DGKB: variants seen among roughly 807,000 people sequenced by gnomAD.
The protein encoded by DGKB is diacylglycerol kinase beta, also known as 90 kDa diacylglycerol kinase.
DGKB carries 67 observed loss-of-function variants against 114.3 expected under a neutral mutation model. That is an observed-to-expected ratio of 0.59 (90% confidence interval 0.48 to 0.72). The LOEUF is 0.72. Among genes scored for constraint, DGKB ranks in the 30% least tolerant of loss-of-function variants. The pLI is 0.00. For missense variants in DGKB, 907 were observed against 975.2 expected, an observed-to-expected ratio of 0.93 and a Z score of 0.93; for synonymous variants, 398 against 323.1, an observed-to-expected ratio of 1.23 and a Z score of -2.49.
intron 21 of DGKB, among the ~76,000 whole-genome samples, chr7:14,369,085 G>T (rs550655677): frequency 6.8e-6 from 1 of 146,514 alleles, no homozygotes; most frequent in Admixed American, 6.8e-5. Flanking sequence ...CCCCACCCCC[G>T]ACAGACCCCA....
intron 21 of DGKB, among the ~76,000 whole-genome samples, chr7:14,474,447 A>C (rs2128896185): frequency 6.6e-6 from 1 of 152,298 alleles, no homozygotes; most frequent in South Asian, 2.1e-4. Flanking sequence ...CAGCGTGAAA[A>C]CAGAGTAATA....
chr7:14,549,180 C>T (rs1340737321), intron 20 of DGKB, among the ~76,000 whole-genome samples: 1 of 152,028 alleles, frequency 6.6e-6, no homozygotes, highest in Admixed American at 6.6e-5. Context: ...GTAAGAAAAA[C>T]ATTTCAAAAA....
chr7:14,560,345 T>C (rs1175510608), intron 20 of DGKB, among the ~76,000 whole-genome samples: 3 of 152,148 alleles, frequency 2.0e-5, no homozygotes, highest in Admixed American at 6.5e-5. Flanking sequence ...TTTATGTCCG[T>C]TGATTAATAA....
At chr7:14,810,000 A>T (rs1843222443) in intron 2 of DGKB, among the ~76,000 whole-genome samples, 1 of 152,196 alleles carries the variant, frequency 6.6e-6, no homozygotes, top group East Asian at 1.9e-4. Context: ...TGCACAAGCA[A>T]ATCACTGTTA....
chr7:14,373,573 C>A (rs1358051626), intron 21 of DGKB, among the ~76,000 whole-genome samples: 1 of 152,114 alleles, frequency 6.6e-6, no homozygotes, highest in Non-Finnish European at 1.5e-5. Context: ...ACTTCCCTGC[C>A]TTAGCTATTG....
chr7:14,739,800 T>A (rs1418471038), intron 4 of DGKB, among the ~76,000 whole-genome samples: 1 of 152,220 alleles, frequency 6.6e-6, no homozygotes, highest in Non-Finnish European at 1.5e-5. Context: ...GTCTTTGCTA[T>A]GGCATTTTTC....
intron 21 of DGKB, among the ~76,000 whole-genome samples, chr7:14,472,302 A>G (rs1055190405): frequency 1.3e-5 from 2 of 152,174 alleles, no homozygotes; most frequent in Non-Finnish European, 2.9e-5. Flanking sequence ...ATAATGAATA[A>G]GCCTCACAAG....
chr7:14,888,009 C>T (rs1780583037), intron 1 of DGKB, among the ~76,000 whole-genome samples: 1 of 151,648 alleles, frequency 6.6e-6, no homozygotes, highest in Non-Finnish European at 1.5e-5. Flanking sequence ...TTATTAAATG[C>T]TTTTTGGCTG....
At chr7:14,753,127 A>G (rs1322667819) in intron 4 of DGKB, among the ~76,000 whole-genome samples, 1 of 152,204 alleles carries the variant, frequency 6.6e-6, no homozygotes, top group Admixed American at 6.5e-5. Context: ...CGTGTTGGAC[A>G]TGAAATTACA....
intron 19 of DGKB, among the ~76,000 whole-genome samples, chr7:14,578,937 T>G (rs1799549520): frequency 6.6e-6 from 1 of 152,188 alleles, no homozygotes; most frequent in Non-Finnish European, 1.5e-5. Flanking sequence ...TCACTATCCC[T>G]AATTGCCCAC....
At chr7:14,419,465 G>T (rs998773076) in intron 21 of DGKB, among the ~76,000 whole-genome samples, 3 of 151,828 alleles carry the variant, frequency 2.0e-5, no homozygotes, top group African/African-American at 7.3e-5. Flanking sequence ...TGGGCTTTTA[G>T]TTACAATTAA....
At chr7:14,372,202 C>T (rs34543196) in intron 21 of DGKB, among the ~76,000 whole-genome samples, 14 of 152,128 alleles carry the variant, frequency 9.2e-5, no homozygotes, top group Admixed American at 3.3e-4. Context: ...CTCACCTACC[C>T]GGGCTTCAAT....
At chr7:14,313,694 G>A (rs1183502514) in intron 23 of DGKB, among the ~76,000 whole-genome samples, 8 of 152,018 alleles carry the variant, frequency 5.3e-5, no homozygotes, top group East Asian at 3.9e-4. Context: ...AGGCGGCAGC[G>A]AGGCTGGGGG....
At position 14,186,085 on chromosome 7, in the gene DGKB, C is replaced by T. The variant is rs571156920; in HGVS notation, c.2123-7934G>A. 5.9e-5 allele frequency among the ~76,000 whole-genome samples: 9 copies of T among 152,220 alleles called. No homozygotes were observed. The East Asian group carries it at 7.7e-4, about 13-fold the overall frequency. On this transcript the variant is annotated intron_variant, in intron 23 of 25. Coordinates refer to ENST00000402815, the MANE Select transcript of DGKB (RefSeq NM_001350709.2). ...CAGTCAGCAGAGTAAACAGACAACCCACAAAGTGGGAGATAATCTTCACAA... is the reference window on the plus strand; with the variant it reads ...CAGTCAGCAGAGTAAACAGACAACCTACAAAGTGGGAGATAATCTTCACAA...
At chr7:14,682,978 A>C (rs1821090408) in intron 10 of DGKB, 137 bp from the exon 11 acceptor site, 1 of 648,090 alleles carries the variant, frequency 1.5e-6, no homozygotes, top group South Asian at 1.9e-5. Flanking sequence ...ATCAAGGAGA[A>C]GTCCAAGTCG....
At chr7:14,821,659 G>A (rs1429097125) in intron 2 of DGKB, among the ~76,000 whole-genome samples, 9 of 152,180 alleles carry the variant, frequency 5.9e-5, no homozygotes, top group African/African-American at 1.7e-4. Flanking sequence ...ATCCACATAC[G>A]TCTTACAGGA....
At chr7:14,650,065 C>T (rs980049398) in intron 13 of DGKB, among the ~76,000 whole-genome samples, 13 of 152,092 alleles carry the variant, frequency 8.5e-5, no homozygotes, top group African/African-American at 3.1e-4. Flanking sequence ...TAACACCCCA[C>T]TGTCAACATT....
At chr7:14,465,456 A>G (rs927564480) in intron 21 of DGKB, among the ~76,000 whole-genome samples, 8 of 152,170 alleles carry the variant, frequency 5.3e-5, no homozygotes, top group East Asian at 1.9e-4. Flanking sequence ...AATGAATCCA[A>G]GGAAATGCCA....
At chr7:14,199,511 G>T (rs553371281) in intron 23 of DGKB, among the ~76,000 whole-genome samples, 1 of 152,142 alleles carries the variant, frequency 6.6e-6, no homozygotes, top group Non-Finnish European at 1.5e-5. Context: ...GCACTCTGCA[G>T]GCGGCCTGGG....
Sources: allele counts gnomAD v4.1 joint callset (sites outside exome capture counted in the v4.1 genomes callset), GRCh38; gene constraint gnomAD v4.1.1; transcripts MANE v1.5; gene names NCBI Gene and HGNC (gene_info 2026-07-23, HGNC 2026-07-21).